Variants in FGF12 observed in about 807,000 individuals in gnomAD.
FGF12 encodes fibroblast growth factor 12.
In FGF12, 14 loss-of-function variants were observed where a neutral mutation model predicts 23.6. The observed-to-expected ratio is 0.59, with a 90% CI of 0.39 to 0.93. FGF12 has a LOEUF of 0.93. Among genes scored for constraint, FGF12 ranks in the 40% least tolerant of loss-of-function variants. The pLI is 0.00. For synonymous variants in FGF12, 62 were observed against 77.3 expected (o/e 0.80, Z 1.04); for missense variants, 175 against 217.8 (o/e 0.80, Z 1.24).
At chr3:192,328,209 G>A (rs766596228) in intron 4 of FGF12, among the ~76,000 whole-genome samples, 88 of 152,324 alleles carry the variant, frequency 5.8e-4, no homozygotes, top group Admixed American at 1.4e-3. Flanking sequence ...AAGAGGTGCA[G>A]CCATTGCCCT....
At chr3:192,278,854 T>C (rs542095778) in intron 4 of FGF12, among the ~76,000 whole-genome samples, 34 of 152,282 alleles carry the variant, frequency 2.2e-4, no homozygotes, top group African/African-American at 7.7e-4. Flanking sequence ...AACAATTCTC[T>C]GGTTCCCTTC....
chr3:192,665,610 T>TG (rs1160273723), intron 2 of FGF12, among the ~76,000 whole-genome samples: 1 of 27,216 alleles, frequency 3.7e-5, no homozygotes, highest in African/African-American at 1.5e-4. Flanking sequence ...CTTTTGGGGG[T>TG]GGGGGGCAAG....
intron 3 of FGF12, among the ~76,000 whole-genome samples, chr3:192,351,020 T>C (rs1221065550): frequency 1.3e-5 from 2 of 152,178 alleles, no homozygotes; most frequent in African/African-American, 2.4e-5. Flanking sequence ...AATCTGTATA[T>C]GTATACACTG....
At chr3:192,602,624 T>C (rs1041902541) in intron 2 of FGF12, among the ~76,000 whole-genome samples, 1 of 151,958 alleles carries the variant, frequency 6.6e-6, no homozygotes, top group African/African-American at 2.4e-5. Context: ...CAATAGATAC[T>C]TGTTAAGGAA....
chr3:192,687,299 G>A (rs1275668766), intron 2 of FGF12, among the ~76,000 whole-genome samples: 1 of 151,872 alleles, frequency 6.6e-6, no homozygotes, highest in Non-Finnish European at 1.5e-5. Context: ...CATGTGACTT[G>A]CCTGGGGATC....
intron 2 of FGF12, among the ~76,000 whole-genome samples, chr3:192,684,347 C>T (rs1577119841): frequency 6.6e-6 from 1 of 152,152 alleles, no homozygotes; most frequent in Non-Finnish European, 1.5e-5. Context: ...GTAATCATCA[C>T]GAGTGATTTG....
chr3:192,422,869 C>A (rs1416862236), intron 2 of FGF12, among the ~76,000 whole-genome samples: 1 of 152,098 alleles, frequency 6.6e-6, no homozygotes, highest in Non-Finnish European at 1.5e-5. Flanking sequence ...GGTGCTAGTT[C>A]TGGTGCTAGT....
chr3:192,401,441 G>A (rs1259826818), intron 2 of FGF12, among the ~76,000 whole-genome samples: 2 of 152,168 alleles, frequency 1.3e-5, no homozygotes, highest in Non-Finnish European at 2.9e-5. Flanking sequence ...GTGGTATTAG[G>A]AAATATTTTT....
chr3:192,646,101 T>C (rs1474753151), intron 2 of FGF12, among the ~76,000 whole-genome samples: 1 of 152,106 alleles, frequency 6.6e-6, no homozygotes, highest in East Asian at 1.9e-4. Flanking sequence ...TTCAAGATAC[T>C]GAAAAGGTCA....
chr3:192,552,383 C>A (rs9815935), intron 2 of FGF12, among the ~76,000 whole-genome samples: 32,916 of 151,810 alleles, frequency 0.22, 3,856 homozygotes, highest in Middle Eastern at 0.39. Context: ...AAGCAAAAAA[C>A]AAAATTCAAA....
chr3:192,691,764 A>G (rs1717949873), intron 2 of FGF12, among the ~76,000 whole-genome samples: 1 of 152,002 alleles, frequency 6.6e-6, no homozygotes, highest in African/African-American at 2.4e-5. Context: ...AAAAAATAAA[A>G]TTAACAAACT....
At chr3:192,230,032 A>T (rs1718943337) in intron 4 of FGF12, among the ~76,000 whole-genome samples, 1 of 152,148 alleles carries the variant, frequency 6.6e-6, no homozygotes, top group Non-Finnish European at 1.5e-5. Flanking sequence ...CTTTCTACTT[A>T]AGCTGTGGTC....
At chr3:192,417,265 A>G (rs1262185369) in intron 2 of FGF12, among the ~76,000 whole-genome samples, 1 of 152,070 alleles carries the variant, frequency 6.6e-6, no homozygotes, top group East Asian at 1.9e-4. Flanking sequence ...TGGCCTTTAA[A>G]AGATAAGTAA....
At chr3:192,383,476 G>A (rs1224839253) in intron 2 of FGF12, among the ~76,000 whole-genome samples, 1 of 150,700 alleles carries the variant, frequency 6.6e-6, no homozygotes, top group Non-Finnish European at 1.5e-5. Flanking sequence ...AACCTTTGAG[G>A]TCAGAACTCC....
chr3:192,375,218 G>A (rs1576923502), intron 2 of FGF12, among the ~76,000 whole-genome samples: 2 of 151,998 alleles, frequency 1.3e-5, no homozygotes, highest in East Asian at 3.8e-4. Flanking sequence ...TAATCATTTT[G>A]CTTTAACTTT....
chr3:192,228,024 G>A (rs1718829491), intron 4 of FGF12, among the ~76,000 whole-genome samples: 1 of 152,080 alleles, frequency 6.6e-6, no homozygotes, highest in Non-Finnish European at 1.5e-5. Context: ...GGAGATGTTG[G>A]TCAAAGCCAA....
chr3:192,425,198 T>C (rs1006657988), intron 2 of FGF12, among the ~76,000 whole-genome samples: 1 of 152,166 alleles, frequency 6.6e-6, no homozygotes, highest in East Asian at 1.9e-4. Flanking sequence ...TAAAACATAA[T>C]TTCTCTCCTT....
rs139457429 is a variant in FGF12, at chr3:192,707,731, C to T, written c.13+19450G>A. On this transcript the variant is annotated intron_variant, in intron 2 of 5. Coordinates refer to ENST00000445105, the MANE Select transcript of FGF12 (RefSeq NM_004113.6). ...ACTGCACACTAGCCTGACAACAAAG[C>T]GAGACTCCTTCTCAAAAAAAAAAAA... is the stretch of plus-strand genomic sequence containing the variant. Among the ~76,000 whole-genome samples the T allele has an allele frequency of 1.1e-3, 145 of 130,866 alleles. 1 individual carries two copies. The highest frequency in any genetic ancestry group is 3.5e-3 in the African/African-American group (112 of 32,100). The allele number at this position is 130,866 out of a possible 152,430, so 85.9% of individuals were successfully genotyped here. A position where few individuals can be genotyped will look rare whatever the true frequency, so the allele number is the denominator to read the frequency against.
intron 2 of FGF12, among the ~76,000 whole-genome samples, chr3:192,722,952 A>T (rs557036736): frequency 3.0e-4 from 46 of 152,342 alleles, no homozygotes; most frequent in Non-Finnish European, 5.9e-4. Flanking sequence ...AAAAATTACA[A>T]TGTTGACTGT....
Sources: allele counts gnomAD v4.1 joint callset (sites outside exome capture counted in the v4.1 genomes callset), GRCh38; gene constraint gnomAD v4.1.1; transcripts MANE v1.5; gene names NCBI Gene and HGNC (gene_info 2026-07-23, HGNC 2026-07-21).